The following MECOM variants were observed in gnomAD, a reference collection of about 807,000 sequenced individuals.
MECOM encodes the protein MDS1 and EVI1 complex locus.
A neutral mutation model predicts 116.3 loss-of-function variants in MECOM; 13 were observed. The observed-to-expected ratio is 0.11, with a 90% confidence interval of 0.07 to 0.18. The LOEUF (loss-of-function observed/expected upper bound fraction) is 0.18. MECOM is among the 10% of genes least tolerant of loss of function. The probability of loss-of-function intolerance (pLI) is 1.00; values close to 1 mark genes in which losing one functional copy is unlikely to be tolerated. For missense variants in MECOM, 1,299 were observed against 1,509.0 expected, an observed-to-expected ratio of 0.86 and a Z score of 2.31; for synonymous variants, 528 against 535.2, an observed-to-expected ratio of 0.99 and a Z score of 0.19.
At chr3:169,101,879 T>C (rs575917716) in intron 11 of MECOM, among the ~76,000 whole-genome samples, 181 bp downstream of exon 11, 1 of 152,342 alleles carries the variant, frequency 6.6e-6, no homozygotes, top group Non-Finnish European at 1.5e-5. Flanking sequence ...TCACATTTAA[T>C]AATTTTTTAA....
At chr3:169,386,198 A>G (rs564524925) in intron 1 of MECOM, among the ~76,000 whole-genome samples, 2 of 152,240 alleles carry the variant, frequency 1.3e-5, no homozygotes, top group East Asian at 3.8e-4. Context: ...TTTTGGAAAC[A>G]TATCAGAACC....
At chr3:169,148,954 G>A (rs2149318453) in intron 2 of MECOM, among the ~76,000 whole-genome samples, 2 of 151,926 alleles carry the variant, frequency 1.3e-5, no homozygotes, top group South Asian at 4.2e-4. Flanking sequence ...AAAATCCTTT[G>A]TAAATAACCT....
intron 2 of MECOM, among the ~76,000 whole-genome samples, chr3:169,219,829 T>A (rs1399073832): frequency 2.0e-5 from 3 of 149,248 alleles, no homozygotes; most frequent in Non-Finnish European, 4.4e-5. Flanking sequence ...TATATATATA[T>A]AAAATCATCC....
chr3:169,088,778 A>C (rs960419150), intron 16 of MECOM, among the ~76,000 whole-genome samples: 29 of 152,300 alleles, frequency 1.9e-4, no homozygotes, highest in Middle Eastern at 3.4e-3. Context: ...GCTTGTCATA[A>C]AATTTCTATA....
Position 169,645,752 on chromosome 3 carries a change from T to C in MECOM, c.37+17584A>G, listed in dbSNP as rs1361392918. Among the ~76,000 whole-genome samples, 5 of 152,192 alleles carry C rather than the reference T, an allele frequency of 3.3e-5. No individual in the cohort carries two copies. In the East Asian group the frequency reaches 5.8e-4, roughly 18 times the overall value. On this transcript the variant is annotated intron_variant, in intron 1 of 16. Transcript: ENST00000651503. The stretch of plus-strand genomic sequence containing the variant: ...TGAAAGGAAGCCCTATATGAAAATA[T>C]ATATAATGCTGGAAGTAGCCCCCAA...
At chr3:169,114,940 T>G (rs909179846) in intron 8 of MECOM, among the ~76,000 whole-genome samples, 9 of 152,256 alleles carry the variant, frequency 5.9e-5, no homozygotes, top group Middle Eastern at 3.4e-3. Flanking sequence ...CAGCCCTTAT[T>G]AAGGATGTGT....
At chr3:169,289,803 A>G (rs1714144866) in intron 2 of MECOM, among the ~76,000 whole-genome samples, 1 of 152,244 alleles carries the variant, frequency 6.6e-6, no homozygotes, top group African/African-American at 2.4e-5. Context: ...TTGGAAAACA[A>G]CTTGTATTTA....
At chr3:169,384,639 C>G (rs1412802028) in intron 1 of MECOM, among the ~76,000 whole-genome samples, 1 of 152,110 alleles carries the variant, frequency 6.6e-6, no homozygotes, top group African/African-American at 2.4e-5. Context: ...AATTGTAAAA[C>G]ATTGTGTACT....
At position 169,084,839 on chromosome 3, in the gene MECOM, G is replaced by A; in HGVS notation, c.*70C>T. ...ATAAGGCATTCTGCTCAGCAGTCTTGTAAATAGTCCTATATGAAAGAGCCA... is the reference window on the plus strand; with the variant it reads ...ATAAGGCATTCTGCTCAGCAGTCTTATAAATAGTCCTATATGAAAGAGCCA... On this transcript the variant is annotated 3_prime_UTR_variant, in exon 17 of 17. Coordinates refer to ENST00000651503, the MANE Select transcript of MECOM (RefSeq NM_004991.4). 1.3e-6 allele frequency: 2 copies of A among 1,580,768 alleles called. No individual in the cohort carries two copies. Among genetic ancestry groups the A allele is most frequent in the Non-Finnish European group, 1.7e-6 (2 of 1,153,884 alleles).
At chr3:169,103,369 C>T (rs1724247215) in intron 10 of MECOM, among the ~76,000 whole-genome samples, 1 of 152,098 alleles carries the variant, frequency 6.6e-6, no homozygotes, top group South Asian at 2.1e-4. Flanking sequence ...TATTTGGAAG[C>T]TGCTTATTAC....
intron 2 of MECOM, among the ~76,000 whole-genome samples, chr3:169,274,929 A>G (rs1248870842): frequency 6.6e-6 from 1 of 152,216 alleles, no homozygotes; most frequent in African/African-American, 2.4e-5. Context: ...ATCACTCCAT[A>G]AAAGTGCACA....
At chr3:169,363,139 T>C (rs1728583631) in intron 2 of MECOM, among the ~76,000 whole-genome samples, 1 of 151,960 alleles carries the variant, frequency 6.6e-6, no homozygotes, top group South Asian at 2.1e-4. Context: ...GGAAAGACTC[T>C]ATTAGCCATT....
chr3:169,143,662 C>A, intron 3 of MECOM, 36 bp downstream of exon 3: 1 of 1,523,342 alleles, frequency 6.6e-7, no homozygotes, highest in Non-Finnish European at 8.9e-7. Context: ...TACTTTTGTG[C>A]TCTCAAGGAA....
chr3:169,362,447 G>A (rs890346108), intron 2 of MECOM, among the ~76,000 whole-genome samples: 2 of 151,820 alleles, frequency 1.3e-5, no homozygotes, highest in African/African-American at 2.4e-5. Flanking sequence ...ACCCAGCCCA[G>A]TTTTCATTCC....
At chr3:169,244,411 T>C (rs934771004) in intron 2 of MECOM, among the ~76,000 whole-genome samples, 2 of 152,214 alleles carry the variant, frequency 1.3e-5, no homozygotes, top group Non-Finnish European at 2.9e-5. Flanking sequence ...ATTTGCCATG[T>C]GCCTCATTAT....
chr3:169,507,613 A>C lies in MECOM; in HGVS notation c.38-126089T>G, dbSNP rs75484260. 0.018 allele frequency among the ~76,000 whole-genome samples: 2,692 copies of C among 150,136 alleles called. 244 individuals are homozygous for C. In the East Asian group the frequency reaches 0.29, roughly 16 times the overall value. On this transcript the variant is annotated intron_variant, in intron 1 of 16. Transcript: ENST00000651503. Reference sequence around the variant, plus strand: ...AGAATAGAAGGCCTACAATGGTGGAAAGAGCAAAGACCAATTTTGGTTTAA... The same window carrying C: ...AGAATAGAAGGCCTACAATGGTGGACAGAGCAAAGACCAATTTTGGTTTAA...
intron 2 of MECOM, among the ~76,000 whole-genome samples, chr3:169,244,003 C>T (rs1402627610): frequency 2.0e-5 from 3 of 152,158 alleles, no homozygotes; most frequent in African/African-American, 7.2e-5. Context: ...TGCAAACCTG[C>T]CTTCATTATG....
chr3:169,363,605 C>A (rs1256574408), intron 2 of MECOM, among the ~76,000 whole-genome samples: 3 of 151,840 alleles, frequency 2.0e-5, no homozygotes, highest in African/African-American at 7.3e-5. Flanking sequence ...GCTCTCTTTT[C>A]AGCAGTAATA....
intron 2 of MECOM, among the ~76,000 whole-genome samples, chr3:169,344,701 G>A (rs1725061874): frequency 1.3e-5 from 2 of 152,070 alleles, no homozygotes; most frequent in South Asian, 4.2e-4. Flanking sequence ...TAATCTATGA[G>A]TTTAGTCAGA....
Sources: allele counts gnomAD v4.1 joint callset (sites outside exome capture counted in the v4.1 genomes callset), GRCh38; gene constraint gnomAD v4.1.1; transcripts MANE v1.5; gene names NCBI Gene and HGNC (gene_info 2026-07-23, HGNC 2026-07-21).